The following KIAA2012 variants were observed in gnomAD, a reference collection of about 807,000 sequenced individuals.
KIAA2012 encodes the protein uncharacterized protein KIAA2012.
KIAA2012 carries 125 observed loss-of-function variants against 150.6 expected under a neutral mutation model. The ratio of observed to expected loss-of-function variants is 0.83; its 90% CI spans 0.72 to 0.96. The LOEUF is 0.96. Ranked by LOEUF, KIAA2012 falls within the 40% of genes least tolerant of loss-of-function variation. The pLI is 0.00. For missense variants in KIAA2012, 1,219 were observed against 1,354.9 expected (o/e 0.90, Z 1.57); for synonymous variants, 462 against 504.7 (o/e 0.92, Z 1.13).
chr2:202,116,013 A>G (rs1690512723), intron 11 of KIAA2012: 1 of 152,184 alleles, frequency 6.6e-6, no homozygotes, highest in South Asian at 2.1e-4. Context: ...AGAAAGGAAA[A>G]GTTAACTTAG....
chr2:202,197,377 C>CT (rs1391883337), intron 22 of KIAA2012: 1 of 297,342 alleles, frequency 3.4e-6, no homozygotes, highest in African/African-American at 2.1e-5. Context: ...AACCCACTGC[C>CT]TGTCTTGATA....
intron 9 of KIAA2012, among the ~76,000 whole-genome samples, chr2:202,106,996 C>T (rs1446625006): frequency 1.3e-5 from 2 of 152,174 alleles, no homozygotes; most frequent in Non-Finnish European, 2.9e-5. Context: ...GTGCCAGGCA[C>T]TGTTCTTAGT....
chr2:202,096,046 T>G (rs995525335), intron 4 of KIAA2012, among the ~76,000 whole-genome samples: 3 of 152,062 alleles, frequency 2.0e-5, no homozygotes, highest in South Asian at 2.1e-4. Flanking sequence ...ATCATGCCAC[T>G]GCACTCCAGC....
At chr2:202,152,680 A>G (rs1470321358) in intron 13 of KIAA2012, among the ~76,000 whole-genome samples, 1 of 152,184 alleles carries the variant, frequency 6.6e-6, no homozygotes, top group Non-Finnish European at 1.5e-5. Flanking sequence ...CTGAAAAGCT[A>G]ATCAGATATG....
Position 202,090,934 on chromosome 2 carries a change from G to C in KIAA2012, c.529+5G>C. Reference sequence around the variant, plus strand: ...TGTATAGGCTCTGGTGCGCAGGTCAGTGGGGAAATGGGAGGGGGGCACACC... The same window carrying C: ...TGTATAGGCTCTGGTGCGCAGGTCACTGGGGAAATGGGAGGGGGGCACACC... On this transcript the variant is annotated splice_donor_5th_base_variant and intron_variant, in intron 3 of 23. Transcript: ENST00000498697. 1 of 1,538,880 alleles carries C rather than the reference G, an allele frequency of 6.5e-7. No homozygotes were observed. The highest frequency in any genetic ancestry group is 1.2e-5 in the South Asian group (1 of 83,122).
intron 12 of KIAA2012, chr2:202,136,788 A>C (rs1412479579): frequency 6.6e-6 from 1 of 152,318 alleles, no homozygotes; most frequent in Non-Finnish European, 1.5e-5. Context: ...CCCACAGCGC[A>C]GCGGCGGGCT....
At chr2:202,185,884 G>A (rs1692217795) in intron 16 of KIAA2012, among the ~76,000 whole-genome samples, 2 of 152,140 alleles carry the variant, frequency 1.3e-5, no homozygotes, top group African/African-American at 4.8e-5. Context: ...ATGATTTAAA[G>A]TCTCATATAT....
intron 11 of KIAA2012, chr2:202,117,015 T>C (rs1010284699): frequency 3.3e-5 from 5 of 151,828 alleles, no homozygotes; most frequent in African/African-American, 2.4e-5. Context: ...TGTGTGGGAG[T>C]TGCCTTGAGA....
intron 15 of KIAA2012, among the ~76,000 whole-genome samples, chr2:202,171,356 G>A (rs1231656658): frequency 6.6e-6 from 1 of 152,194 alleles, no homozygotes; most frequent in Non-Finnish European, 1.5e-5. Flanking sequence ...CGGCGGCAGG[G>A]GCCCCGCAGC....
At position 202,125,204 on chromosome 2, in the gene KIAA2012, T is replaced by G. The variant is rs1379160140; in HGVS notation, c.1763-10T>G. Reference sequence around the variant, plus strand: ...CCCGCTCTCAGGTAAAATATCTTACTGTTTTTCAGCCTATGAATCTGTCAA... The same window carrying G: ...CCCGCTCTCAGGTAAAATATCTTACGGTTTTTCAGCCTATGAATCTGTCAA... On this transcript the variant is annotated splice_polypyrimidine_tract_variant and intron_variant, in intron 11 of 23. Transcript: ENST00000498697. 1 of 1,548,480 alleles carries G rather than the reference T, an allele frequency of 6.5e-7. No homozygotes were observed. The highest frequency in any genetic ancestry group is 1.7e-4 in the Middle Eastern group (1 of 5,988).
intron 19 of KIAA2012, among the ~76,000 whole-genome samples, 199 bp downstream of exon 19, chr2:202,190,692 C>A (rs1485881879): frequency 1.3e-5 from 2 of 152,164 alleles, no homozygotes; most frequent in African/African-American, 4.8e-5. Context: ...TAGCAAAGCC[C>A]CTCTGAAGTG....
At position 202,190,410 on chromosome 2, in the gene KIAA2012, G is replaced by A. The variant is rs989046772; in HGVS notation, c.2728G>A (p.Gly910Arg). The change falls in exon 19 of 24, where the codon GGA becomes AGA. Residue 910 changes from glycine to arginine, a missense_variant. Coordinates refer to ENST00000498697, the MANE Select transcript of KIAA2012 (RefSeq NM_001277372.4). ...DAQESQVSLDGRSSPSQIATV... is the reference protein window; with the variant it reads ...DAQESQVSLDRRSSPSQIATV... The stretch of plus-strand genomic sequence containing the variant: ...CCAGGAAAGCCAAGTTTCTCTAGAT[G>A]GAAGATCATCACCCTCTCAGATTGC... 2 of 1,550,598 alleles carry A rather than the reference G, an allele frequency of 1.3e-6. No homozygotes were observed. Among genetic ancestry groups the A allele is most frequent in the African/African-American group, 2.7e-5 (2 of 73,094 alleles).
chr2:202,167,682 A>G (rs1691800292), intron 15 of KIAA2012, among the ~76,000 whole-genome samples: 1 of 151,856 alleles, frequency 6.6e-6, no homozygotes, highest in Non-Finnish European at 1.5e-5. Flanking sequence ...GGCCTCTAAA[A>G]ATTTTTTTTT....
intron 15 of KIAA2012, among the ~76,000 whole-genome samples, chr2:202,171,271 T>A (rs1413076731): frequency 6.6e-6 from 1 of 152,148 alleles, no homozygotes; most frequent in Non-Finnish European, 1.5e-5. Flanking sequence ...GCAGTTTTTT[T>A]AAAGGGAATA....
At chr2:202,148,954 G>A (rs1691362646) in intron 13 of KIAA2012, among the ~76,000 whole-genome samples, 1 of 152,166 alleles carries the variant, frequency 6.6e-6, no homozygotes, top group African/African-American at 2.4e-5. Context: ...CCCACGTCTG[G>A]CCCCATTCCC....
chr2:202,205,149 AC>A lies in KIAA2012; in HGVS notation c.*174del, dbSNP rs1007007594. ...ACCAGATAAGCACACATTTAAGTTAACCATATCAGAGTGCAATGCATTTCGA... is the reference window on the plus strand; with the variant it reads ...ACCAGATAAGCACACATTTAAGTTAACATATCAGAGTGCAATGCATTTCGA... On this transcript the variant is annotated 3_prime_UTR_variant, in exon 24 of 24. Transcript: ENST00000498697. The A allele has an allele frequency of 3.9e-5, 6 of 152,240 alleles. No homozygotes were observed. Among genetic ancestry groups the A allele is most frequent in the Non-Finnish European group, 1.5e-5 (1 of 68,038 alleles). The allele number at this position is 152,240 out of a possible 1,614,324, so 9.4% of individuals were successfully genotyped here.
At chr2:202,087,473 A>G (rs921356121) in intron 2 of KIAA2012, among the ~76,000 whole-genome samples, 3 of 131,472 alleles carry the variant, frequency 2.3e-5, no homozygotes, top group Non-Finnish European at 3.1e-5. Flanking sequence ...AGTTAGTGCC[A>G]CTGCACTCCA....
At chr2:202,176,497 A>G (rs1389436399) in intron 15 of KIAA2012, among the ~76,000 whole-genome samples, 8 of 152,134 alleles carry the variant, frequency 5.3e-5, no homozygotes, top group Admixed American at 5.2e-4. Flanking sequence ...GTGCCCCGCC[A>G]ATGAATCTGA....
Position 202,093,179 on chromosome 2 carries a change from G to C in KIAA2012, c.679G>C (p.Glu227Gln), listed in dbSNP as rs1689775404. The C allele has an allele frequency of 6.4e-7, 1 of 1,551,078 alleles. No individual in the cohort carries two copies. Among genetic ancestry groups the C allele is most frequent in the East Asian group, 2.4e-5 (1 of 40,928 alleles). Reference sequence around the variant, plus strand: ...TTGGATTCAACAAGGAAAATCTTTTGAACAACGTACGTGTTGATTTACATG... The same window carrying C: ...TTGGATTCAACAAGGAAAATCTTTTCAACAACGTACGTGTTGATTTACATG... Reference protein sequence around the residue: ...SFWIQQGKSFEQRQQGLDEGE... With the variant: ...SFWIQQGKSFQQRQQGLDEGE... Residue 227 changes from glutamate to glutamine, a missense_variant, in exon 4 of 24, where the codon GAA (glutamate) becomes CAA (glutamine). By Grantham distance (29) the Glu-to-Gln change is conservative. Transcript: ENST00000498697.
Sources: gnomAD v4.1 joint callset for allele counts (sites outside exome capture counted in the v4.1 genomes callset) on GRCh38, gnomAD v4.1.1 for gene constraint, MANE v1.5 for transcripts, NCBI Gene and HGNC (gene_info 2026-07-23, HGNC 2026-07-21) for gene names.